Variants in RGS5 observed in about 807,000 individuals in gnomAD.
The protein encoded by RGS5 is regulator of G protein signaling 5.
Under a neutral mutation model 18.9 loss-of-function variants are expected in RGS5, and 20 were observed. The observed-to-expected ratio is 1.06, with a 90% CI of 0.74 to 1.54. The LOEUF is 1.54. Among genes scored for constraint, RGS5 ranks in the 40% most tolerant of loss-of-function variants. The pLI is 0.00. For missense variants in RGS5, 201 were observed against 211.8 expected, an observed-to-expected ratio of 0.95 and a Z score of 0.32; for synonymous variants, 57 against 76.2, an observed-to-expected ratio of 0.75 and a Z score of 1.31.
intron 1 of RGS5, among the ~76,000 whole-genome samples, chr1:163,185,848 C>T (rs373758975): frequency 6.6e-6 from 1 of 152,072 alleles, no homozygotes; most frequent in Non-Finnish European, 1.5e-5. Flanking sequence ...ACTGTGACCC[C>T]GTGACCTCAC....
chr1:163,265,587 C>T (rs1239576452), intron 2 of RGS5, among the ~76,000 whole-genome samples: 1 of 151,970 alleles, frequency 6.6e-6, no homozygotes, highest in Non-Finnish European at 1.5e-5. Flanking sequence ...ACCCCTATAT[C>T]TCTCCTTCCT....
intron 2 of RGS5, among the ~76,000 whole-genome samples, chr1:163,164,356 T>C (rs912826158): frequency 1.3e-5 from 2 of 152,186 alleles, no homozygotes; most frequent in Non-Finnish European, 2.9e-5. Context: ...GAGAAAGCTA[T>C]TTCAAATGAA....
At position 163,281,534 on chromosome 1, in the gene RGS5, C is replaced by G. The variant is rs137950252; in HGVS notation, c.-281+24699G>C. Among the ~76,000 whole-genome samples, 10 of 152,148 alleles carry G rather than the reference C, an allele frequency of 6.6e-5. No homozygotes were observed. In the East Asian group the frequency reaches 1.7e-3, roughly 27 times the overall value. Reference sequence around the variant, plus strand: ...CATGTAAACTAATGCAAGAACTCACCCATCACAAAAGGGATGGCACTAAGC... The same window carrying G: ...CATGTAAACTAATGCAAGAACTCACGCATCACAAAAGGGATGGCACTAAGC... On this transcript the variant is annotated intron_variant, in intron 2 of 5. Coordinates refer to the RGS5 transcript ENST00000618415.
intron 1 of RGS5, among the ~76,000 whole-genome samples, chr1:163,310,502 G>C (rs1300800762): frequency 6.6e-6 from 1 of 151,186 alleles, no homozygotes; most frequent in Non-Finnish European, 1.5e-5. Flanking sequence ...ATGAACCCGG[G>C]AGGTGGAGCT....
intron 2 of RGS5, among the ~76,000 whole-genome samples, chr1:163,287,842 G>A (rs1020444739): frequency 1.1e-3 from 166 of 152,252 alleles, no homozygotes; most frequent in African/African-American, 3.8e-3. Context: ...TTGTCCTAAT[G>A]TTCCAGCATT....
At chr1:163,205,345 T>TAAAAAAAA (rs35747068), upstream of RGS5, among the ~76,000 whole-genome samples, 15 of 72,702 alleles carry the variant, frequency 2.1e-4, 1 homozygote, top group South Asian at 5.3e-4. Flanking sequence ...TTAACCACAG[T>TAAAAAAAA]AAAAAAAAAA....
chr1:163,157,252 C>G (rs892673686), intron 3 of RGS5, among the ~76,000 whole-genome samples: 4 of 152,154 alleles, frequency 2.6e-5, no homozygotes, highest in African/African-American at 9.7e-5. Context: ...AAATGTCACT[C>G]TTATTTAAAC....
chr1:163,167,501 G>A (rs933767485), intron 2 of RGS5, among the ~76,000 whole-genome samples: 1 of 152,178 alleles, frequency 6.6e-6, no homozygotes, highest in Non-Finnish European at 1.5e-5. Context: ...AATGCACACT[G>A]TGAGACCTGG....
chr1:163,268,919 T>C (rs971505963), intron 2 of RGS5, among the ~76,000 whole-genome samples: 1 of 152,080 alleles, frequency 6.6e-6, no homozygotes, highest in Non-Finnish European at 1.5e-5. Context: ...CTTACCATAA[T>C]CTGAGGTACA....
chr1:163,284,573 C>A (rs184988409), intron 2 of RGS5, among the ~76,000 whole-genome samples: 18 of 152,268 alleles, frequency 1.2e-4, no homozygotes, highest in Non-Finnish European at 1.0e-4. Context: ...CCTTTATGGA[C>A]TGCTACTATG....
intron 2 of RGS5, among the ~76,000 whole-genome samples, chr1:163,235,695 A>G (rs1647604645): frequency 6.6e-6 from 1 of 152,230 alleles, no homozygotes; most frequent in South Asian, 2.1e-4. Flanking sequence ...TTCAGCCTGT[A>G]GAAAGTTAGA....
intron 1 of RGS5, among the ~76,000 whole-genome samples, chr1:163,184,245 C>G: frequency 6.6e-6 from 1 of 151,954 alleles, no homozygotes; most frequent in East Asian, 1.9e-4. Flanking sequence ...CCATTTTAAA[C>G]AAATAGAAAT....
chr1:163,224,295 C>A (rs1028834896), intron 2 of RGS5, among the ~76,000 whole-genome samples: 2 of 151,706 alleles, frequency 1.3e-5, no homozygotes, highest in South Asian at 2.1e-4. Context: ...TGTGTGAGAT[C>A]ATGTGGTATT....
At chr1:163,237,491 T>C (rs1008291273) in intron 2 of RGS5, 1 of 152,184 alleles carries the variant, frequency 6.6e-6, no homozygotes, top group African/African-American at 2.4e-5. Context: ...TCAAGACCAG[T>C]CTGGGCAACA....
rs566030725 is a variant in RGS5 at position 163,176,756 on chromosome 1, A to T, written c.45-8388T>A. 3.9e-5 allele frequency among the ~76,000 whole-genome samples: 6 copies of T among 152,362 alleles called. No individual in the cohort carries two copies. The East Asian group carries it at 1.2e-3, about 29-fold the overall frequency. ...ATGATGTACGCTATAATATGTTTTG[A>T]TATTTTCAACGAAATAAAAAAGATA... is the stretch of plus-strand genomic sequence containing the variant. On this transcript the variant is annotated intron_variant, in intron 1 of 4. Coordinates refer to ENST00000313961, the MANE Select transcript of RGS5 (RefSeq NM_003617.4).
chr1:163,259,871 G>A (rs1366741638), intron 2 of RGS5: 1 of 151,478 alleles, frequency 6.6e-6, no homozygotes, highest in Non-Finnish European at 1.5e-5. Flanking sequence ...AGGTGGAGAA[G>A]GAGGTACTGA....
At chr1:163,209,409 CAA>C (rs1553219762) in intron 1 of RGS5, among the ~76,000 whole-genome samples, 1 of 152,154 alleles carries the variant, frequency 6.6e-6, no homozygotes, top group Non-Finnish European at 1.5e-5. Context: ...TTATTCCCTA[CAA>C]AAGCTTGTTG....
intron 2 of RGS5, among the ~76,000 whole-genome samples, chr1:163,163,396 A>T (rs1009132800): frequency 6.6e-6 from 1 of 152,192 alleles, no homozygotes; most frequent in Non-Finnish European, 1.5e-5. Context: ...GATGGAAAAC[A>T]TACTGATGCC....
At chr1:163,157,595 A>G (rs1009716150) in intron 3 of RGS5, among the ~76,000 whole-genome samples, 3 of 152,210 alleles carry the variant, frequency 2.0e-5, no homozygotes, top group African/African-American at 7.2e-5. Context: ...TTAACACATC[A>G]ACTGTGAAAG....
Sources: gnomAD v4.1 joint callset for allele counts (sites outside exome capture counted in the v4.1 genomes callset) on GRCh38, gnomAD v4.1.1 for gene constraint, MANE v1.5 for transcripts, NCBI Gene and HGNC (gene_info 2026-07-23, HGNC 2026-07-21) for gene names.